The following NAALADL2 variants were observed in gnomAD, a reference collection of about 807,000 sequenced individuals.
NAALADL2 encodes N-acetylated alpha-linked acidic dipeptidase like 2.
NAALADL2 carries 76 observed loss-of-function variants against 87.2 expected under a neutral mutation model. That is an observed-to-expected ratio of 0.87 (90% CI 0.72 to 1.05). The LOEUF (loss-of-function observed/expected upper bound fraction) is 1.05. NAALADL2 is among the 50% of genes least tolerant of loss of function. The pLI is 0.00. For synonymous variants in NAALADL2, 354 were observed against 331.0 expected (o/e 1.07, Z -0.75); for missense variants, 1,089 against 945.8 (o/e 1.15, Z -1.99).
chr3:175,057,311 A>G (rs1258288353), intron 1 of NAALADL2, among the ~76,000 whole-genome samples: 1 of 152,172 alleles, frequency 6.6e-6, no homozygotes, highest in Non-Finnish European at 1.5e-5. Flanking sequence ...CATTCAGTTT[A>G]CCCAGACACA....
chr3:174,501,262 T>C (rs925443980), intron 1 of NAALADL2, among the ~76,000 whole-genome samples: 6 of 147,192 alleles, frequency 4.1e-5, no homozygotes, highest in Admixed American at 2.0e-4. Context: ...GTATTTTTAG[T>C]AGAGACGGGG....
rs201153757 is a variant in NAALADL2 at position 174,509,401 on chromosome 3, TTTC to T, written c.-183-41165_-183-41163del. On this transcript the variant is annotated intron_variant, in intron 1 of 3. Coordinates refer to the NAALADL2 transcript ENST00000434257. ...GCGAGCTCTGGTGTCTCTTCCTTTC[TTTC>T]TTTTTTTTTTTTTTTTGAGACGGAG... 2.5e-3 allele frequency among the ~76,000 whole-genome samples: 328 copies of T among 129,426 alleles called. 2 individuals are homozygous for T. Among genetic ancestry groups the T allele is most frequent in the Middle Eastern group, 0.013 (3 of 232 alleles). 84.9% of individuals were successfully genotyped at this position (129,426 alleles called of 152,430 possible).
intron 4 of NAALADL2, among the ~76,000 whole-genome samples, chr3:175,263,523 C>T (rs1364265539): frequency 6.6e-6 from 1 of 151,764 alleles, no homozygotes; most frequent in African/African-American, 2.4e-5. Flanking sequence ...TACTTTTGAA[C>T]CATTTGAAAA....
chr3:174,814,384 G>C (rs1393654295), intron 3 of NAALADL2, among the ~76,000 whole-genome samples: 1 of 152,164 alleles, frequency 6.6e-6, no homozygotes, highest in Non-Finnish European at 1.5e-5. Context: ...TGGGATTACA[G>C]GTGTGAGCCA....
At chr3:175,077,483 A>C (rs1005615974) in intron 1 of NAALADL2, among the ~76,000 whole-genome samples, 5 of 152,202 alleles carry the variant, frequency 3.3e-5, no homozygotes, top group Non-Finnish European at 5.9e-5. Context: ...ATGTATGGGA[A>C]ATCAGAAAAA....
intron 11 of NAALADL2, among the ~76,000 whole-genome samples, chr3:175,693,977 G>A (rs1424376238): frequency 6.6e-6 from 1 of 152,146 alleles, no homozygotes; most frequent in African/African-American, 2.4e-5. Flanking sequence ...ACAGTCATGA[G>A]CCACCGTGCC....
intron 9 of NAALADL2, among the ~76,000 whole-genome samples, chr3:175,476,035 A>G (rs1024607492): frequency 3.9e-5 from 6 of 152,178 alleles, no homozygotes; most frequent in Non-Finnish European, 5.9e-5. Flanking sequence ...ATGTTGTTGT[A>G]GTTGTAGTCG....
chr3:175,134,951 A>G (rs929292656), intron 2 of NAALADL2, among the ~76,000 whole-genome samples: 2 of 152,208 alleles, frequency 1.3e-5, no homozygotes, highest in Non-Finnish European at 2.9e-5. Context: ...TATCAAATAT[A>G]TCCACATAGA....
chr3:174,874,207 C>T (rs1243835803), intron 1 of NAALADL2, among the ~76,000 whole-genome samples: 3 of 152,074 alleles, frequency 2.0e-5, no homozygotes, highest in East Asian at 3.9e-4. Flanking sequence ...CCAGATGGCA[C>T]GTGAGTACAT....
chr3:174,848,917 C>T (rs1724933130), intron 3 of NAALADL2, among the ~76,000 whole-genome samples: 1 of 152,168 alleles, frequency 6.6e-6, no homozygotes. Context: ...GCCTATTGCT[C>T]CTAGGCTGTA....
intron 2 of NAALADL2, among the ~76,000 whole-genome samples, chr3:175,232,512 T>C (rs1224347313): frequency 6.6e-6 from 1 of 152,152 alleles, no homozygotes; most frequent in Non-Finnish European, 1.5e-5. Flanking sequence ...TAAACACAAA[T>C]TGTCCTGGGC....
chr3:174,737,200 A>G (rs747582714), intron 2 of NAALADL2, among the ~76,000 whole-genome samples: 125 of 152,264 alleles, frequency 8.2e-4, no homozygotes, highest in African/African-American at 2.7e-3. Flanking sequence ...CAACACCTCT[A>G]TATTCCCCAG....
chr3:175,798,721 C>A (rs1560028299), intron 13 of NAALADL2, among the ~76,000 whole-genome samples: 1 of 151,930 alleles, frequency 6.6e-6, no homozygotes. Flanking sequence ...TTTTATTCTT[C>A]TACATTATAC....
chr3:174,452,995 T>C (rs777292668), intron 1 of NAALADL2, among the ~76,000 whole-genome samples: 63 of 152,270 alleles, frequency 4.1e-4, no homozygotes, highest in African/African-American at 1.5e-3. Context: ...TATTGAGATA[T>C]AGGAGTATGT....
chr3:175,765,864 C>A (rs1393729117), intron 13 of NAALADL2, among the ~76,000 whole-genome samples: 1 of 152,022 alleles, frequency 6.6e-6, no homozygotes, highest in East Asian at 1.9e-4. Flanking sequence ...TTATTATTCC[C>A]TTTATACATA....
At chr3:175,210,935 T>A (rs1222753174) in intron 2 of NAALADL2, among the ~76,000 whole-genome samples, 1 of 151,902 alleles carries the variant, frequency 6.6e-6, no homozygotes, top group Non-Finnish European at 1.5e-5. Flanking sequence ...ACATTTTTCA[T>A]ACTTACTATA....
Position 175,788,146 on chromosome 3 carries a change from G to A in NAALADL2, c.2190-14859G>A, listed in dbSNP as rs1264514822. Among the ~76,000 whole-genome samples, 5 of 145,156 alleles carry A rather than the reference G, an allele frequency of 3.4e-5. No individual in the cohort carries two copies. The East Asian group carries it at 1.0e-3, about 29-fold the overall frequency. ...CTCACTTTGTCACCTAGGCAGGAGT[G>A]CAAGTGGTATGATCTGGGCTCACTG... is the stretch of plus-strand genomic sequence containing the variant. On this transcript the variant is annotated intron_variant, in intron 13 of 13. Transcript: ENST00000454872.
chr3:175,605,482 T>C (rs777410281), intron 10 of NAALADL2, among the ~76,000 whole-genome samples: 15 of 152,078 alleles, frequency 9.9e-5, no homozygotes, highest in Admixed American at 3.3e-4. Flanking sequence ...CTCATTCTGG[T>C]AACTGAGTTG....
At chr3:174,449,735 C>T (rs1356856760) in intron 1 of NAALADL2, among the ~76,000 whole-genome samples, 1 of 152,100 alleles carries the variant, frequency 6.6e-6, no homozygotes, top group Non-Finnish European at 1.5e-5. Context: ...GCATTAAAGT[C>T]TGTTTGAAAG....
Sources: allele counts gnomAD v4.1 joint callset (sites outside exome capture counted in the v4.1 genomes callset), GRCh38; gene constraint gnomAD v4.1.1; transcripts MANE v1.5; gene names NCBI Gene and HGNC (gene_info 2026-07-23, HGNC 2026-07-21).